NBPF3: variants seen among roughly 807,000 people sequenced by gnomAD.
NBPF3 encodes the protein NBPF member 3.
Under a neutral mutation model 78.1 loss-of-function variants are expected in NBPF3, and 57 were observed. The observed-to-expected ratio is 0.73, with a 90% confidence interval of 0.59 to 0.91. The LOEUF is 0.91. Ranked by LOEUF, NBPF3 falls within the 40% of genes least tolerant of loss-of-function variation. NBPF3 has a pLI of 0.00. For missense variants in NBPF3, 510 were observed against 715.3 expected (o/e 0.71, Z 3.27); for synonymous variants, 182 against 271.7 (o/e 0.67, Z 3.25).
upstream of NBPF3, chr1:21,436,871 T>C (rs1034196103): frequency 2.7e-6 from 1 of 371,212 alleles, no homozygotes; most frequent in Non-Finnish European, 4.1e-6. This position sits in a 1 kb window ranked among gnomAD's most constrained non-coding sequence, Gnocchi z 4.3. Context: ...GCTCGCGCCC[T>C]CCGGGTGGGG....
chr1:21,452,618 G>T (rs1359599260), intron 2 of NBPF3, among the ~76,000 whole-genome samples: 1 of 152,198 alleles, frequency 6.6e-6, no homozygotes, highest in Non-Finnish European at 1.5e-5. Flanking sequence ...TTAAATTCAG[G>T]CAGGTTTATT....
chr1:21,472,309 T>C (rs1053219774), intron 5 of NBPF3, among the ~76,000 whole-genome samples: 1 of 152,180 alleles, frequency 6.6e-6, no homozygotes, highest in Non-Finnish European at 1.5e-5. Flanking sequence ...CATGTGGTGT[T>C]AGAGAAGGCA....
In NBPF3 at chr1:21,474,963, G is replaced by GAGAC; in HGVS notation, c.992+13_992+14insGACA. The GAGAC allele has an allele frequency of 6.2e-7, 1 of 1,600,280 alleles. No homozygotes were observed. Among genetic ancestry groups the GAGAC allele is most frequent in the Non-Finnish European group, 8.5e-7 (1 of 1,170,512 alleles). On this transcript the variant is annotated intron_variant, in intron 8 of 14. Transcript: ENST00000318249. Reference sequence around the variant, plus strand: ...CCAGTGTCTCCCAGGTAATGCCATGGAATTGTGGGCTGTTAATTCAATAGT... The same window carrying GAGAC: ...CCAGTGTCTCCCAGGTAATGCCATGGAGACAATTGTGGGCTGTTAATTCAATAGT...
At chr1:21,475,441 A>G (rs1558503816) in intron 8 of NBPF3, among the ~76,000 whole-genome samples, 1 of 152,222 alleles carries the variant, frequency 6.6e-6, no homozygotes, top group Non-Finnish European at 1.5e-5. Flanking sequence ...TGTGTCCCAG[A>G]GATTCTGGTA....
At chr1:21,469,618 A>G (rs545200549) in intron 3 of NBPF3, among the ~76,000 whole-genome samples, 9 of 152,104 alleles carry the variant, frequency 5.9e-5, no homozygotes, top group Non-Finnish European at 7.4e-5. Context: ...CCAGCTACTC[A>G]GGAGGCTGAG....
intron 12 of NBPF3, among the ~76,000 whole-genome samples, 169 bp from the exon 13 acceptor site, chr1:21,481,428 T>G (rs1643222305): frequency 6.6e-6 from 1 of 151,640 alleles, no homozygotes; most frequent in African/African-American, 2.4e-5. Context: ...TTCATTCTTT[T>G]CTGTTTGGCC....
chr1:21,447,341 T>C (rs781677087), intron 2 of NBPF3, among the ~76,000 whole-genome samples: 7 of 152,214 alleles, frequency 4.6e-5, no homozygotes, highest in Non-Finnish European at 1.0e-4. Flanking sequence ...AATTACATAA[T>C]GTCCTAAATC....
chr1:21,478,809 T>C (rs1167145594), intron 9 of NBPF3, among the ~76,000 whole-genome samples: 1 of 152,242 alleles, frequency 6.6e-6, no homozygotes, highest in African/African-American at 2.4e-5. Context: ...CTAAGTTGGC[T>C]TGTCATAGCT....
At chr1:21,461,707 C>G (rs1174247897) in intron 2 of NBPF3, among the ~76,000 whole-genome samples, 1 of 152,134 alleles carries the variant, frequency 6.6e-6, no homozygotes, top group African/African-American at 2.4e-5. Context: ...AGGTGATCTG[C>G]CCGCCTCAGC....
In NBPF3 at chr1:21,445,263, C is replaced by G. The variant is rs1040041595; in HGVS notation, c.133+44C>G. Reference sequence around the variant, plus strand: ...TGCCAGCTCGGTGGGGTCAGAGAGTCCTCTTTCTATTATAACTCAGATGTG... The same window carrying G: ...TGCCAGCTCGGTGGGGTCAGAGAGTGCTCTTTCTATTATAACTCAGATGTG... On this transcript the variant is annotated intron_variant, in intron 2 of 14. Transcript: ENST00000318249. The G allele has an allele frequency of 1.7e-5, 27 of 1,596,052 alleles. No individual in the cohort carries two copies. The Admixed American group carries it at 3.7e-4, about 22-fold the overall frequency.
In NBPF3 at chr1:21,445,158, C is replaced by T. The variant is rs141084838; in HGVS notation, c.72C>T (p.Phe24=). ...GCCCTGATGTAGAAACTTCCCCATTCGGTGCACCAAGAGCAGCCTCACATG... is the reference window on the plus strand; with the variant it reads ...GCCCTGATGTAGAAACTTCCCCATTTGGTGCACCAAGAGCAGCCTCACATG... ...LRGPDVETSP[F]GAPRAASHGV... The change falls in exon 2 of 15, where the codon TTC becomes TTT. Residue 24 remains phenylalanine, a synonymous_variant. Coordinates refer to ENST00000318249, the MANE Select transcript of NBPF3 (RefSeq NM_032264.6). The T allele has an allele frequency of 3.4e-5, 55 of 1,611,818 alleles. No homozygotes were observed. Among genetic ancestry groups the T allele is most frequent in the African/African-American group, 2.7e-4 (20 of 74,828 alleles).
At position 21,468,849 on chromosome 1, in the gene NBPF3, C is replaced by G. The variant is rs774337333; in HGVS notation, c.295C>G (p.Leu99Val). The G allele has an allele frequency of 6.2e-7, 1 of 1,614,170 alleles. No homozygotes were observed. The highest frequency in any genetic ancestry group is 1.7e-5 in the Admixed American group (1 of 60,030). ...GTTCAGAAACCTCAAACAGAAATGT[C>G]TTGTAACTCAAGTGGCCTACTTCCT... ...QQFRNLKQKCLVTQVAYFLAN... is the reference protein window; with the variant it reads ...QQFRNLKQKCVVTQVAYFLAN... The change falls in exon 3 of 15, where the codon CTT becomes GTT. Residue 99 changes from leucine (L) to valine (V), a missense_variant. Transcript: ENST00000318249.
At chr1:21,457,356 A>ATATATATGTATGTATG (rs764117289) in intron 2 of NBPF3, among the ~76,000 whole-genome samples, 1 of 141,788 alleles carries the variant, frequency 7.1e-6, no homozygotes, top group East Asian at 2.0e-4. Flanking sequence ...GTGTATATAT[A>ATATATATGTATGTATG]TATATATGTA....
intron 5 of NBPF3, among the ~76,000 whole-genome samples, chr1:21,472,254 G>A (rs573979446): frequency 6.6e-6 from 1 of 152,282 alleles, no homozygotes; most frequent in South Asian, 2.1e-4. Flanking sequence ...ATCCAAATGT[G>A]GGAACACTTA....
chr1:21,468,665 G>A lies in NBPF3; in HGVS notation c.134-23G>A, dbSNP rs955657139. The A allele has an allele frequency of 5.0e-6, 8 of 1,611,686 alleles. No individual in the cohort carries two copies. In the Admixed American group the frequency reaches 6.7e-5, roughly 13 times the overall value. On this transcript the variant is annotated intron_variant, in intron 2 of 14. Transcript: ENST00000318249. ...ATTTCACCAGTTTTTAACCCATCGT[G>A]TGTTTGGGTGTCTTCTCCCCAGTCC...
chr1:21,459,460 A>G (rs921449388), intron 2 of NBPF3, among the ~76,000 whole-genome samples: 5 of 152,218 alleles, frequency 3.3e-5, no homozygotes, highest in African/African-American at 1.2e-4. Context: ...AAATCCCTCC[A>G]AAACGTTTTC....
rs191528063 is a variant in NBPF3 at position 21,463,970 on chromosome 1, G to A, written c.134-4718G>A. On this transcript the variant is annotated intron_variant, in intron 2 of 14. Coordinates refer to ENST00000318249, the MANE Select transcript of NBPF3 (RefSeq NM_032264.6). ...AGACAACACATGTTTCAAAAGTGATGGAGAATATCGAATTCTCATATATTA... is the reference window on the plus strand; with the variant it reads ...AGACAACACATGTTTCAAAAGTGATAGAGAATATCGAATTCTCATATATTA... 1.7e-3 allele frequency among the ~76,000 whole-genome samples: 258 copies of A among 152,322 alleles called. 1 individual carries two copies. Among genetic ancestry groups the A allele is most frequent in the Non-Finnish European group, 2.6e-3 (174 of 68,032 alleles).
At position 21,460,467 on chromosome 1, in the gene NBPF3, G is replaced by C. The variant is rs1191089042; in HGVS notation, c.134-8221G>C. ...TCAGTTCCCATCCATGAGTGAGAAC[G>C]TGCTCACGCTGCTACTTCTAAATGT... On this transcript the variant is annotated intron_variant, in intron 2 of 14. Coordinates refer to ENST00000318249, the MANE Select transcript of NBPF3 (RefSeq NM_032264.6). The surrounding 1 kb of genome is among the most constrained non-coding windows in gnomAD (Gnocchi z 4.2). 6.6e-6 allele frequency among the ~76,000 whole-genome samples: 1 copy of C among 152,118 alleles called. No individual in the cohort carries two copies. The highest frequency in any genetic ancestry group is 2.4e-5 in the African/African-American group (1 of 41,420).
At position 21,483,128 on chromosome 1, in the gene NBPF3, T is replaced by C. The variant is rs376029309; in HGVS notation, c.1659-15T>C. On this transcript the variant is annotated splice_polypyrimidine_tract_variant and intron_variant, in intron 14 of 14. Coordinates refer to ENST00000318249, the MANE Select transcript of NBPF3 (RefSeq NM_032264.6). ...TTTTCCCTGGCTGCTTCTTTAGTTTTGTCTCCTTTTCCAGGCTCAACGAGG... is the reference window on the plus strand; with the variant it reads ...TTTTCCCTGGCTGCTTCTTTAGTTTCGTCTCCTTTTCCAGGCTCAACGAGG... The C allele has an allele frequency of 5.6e-6, 9 of 1,612,350 alleles. No homozygotes were observed. The highest frequency in any genetic ancestry group is 7.6e-6 in the Non-Finnish European group (9 of 1,179,620).
Sources: allele counts gnomAD v4.1 joint callset (sites outside exome capture counted in the v4.1 genomes callset), GRCh38; gene constraint gnomAD v4.1.1; non-coding constraint Gnocchi (gnomAD v3.1); transcripts MANE v1.5; gene names NCBI Gene and HGNC (gene_info 2026-07-23, HGNC 2026-07-21).